Variants in CD163L1 observed in about 807,000 individuals in gnomAD.
CD163L1 encodes scavenger receptor cysteine-rich type 1 protein M160.
CD163L1 carries 124 observed loss-of-function variants against 165.4 expected under a neutral mutation model. That is an observed-to-expected ratio of 0.75 (90% CI 0.65 to 0.87). The LOEUF is 0.87. CD163L1 is among the 40% of genes least tolerant of loss of function. The pLI, the probability that CD163L1 is intolerant of heterozygous loss-of-function variation, is 0.00. For missense variants in CD163L1, 1,525 were observed against 1,799.9 expected, an observed-to-expected ratio of 0.85 and a Z score of 2.76; for synonymous variants, 585 against 662.2, an observed-to-expected ratio of 0.88 and a Z score of 1.79.
intron 8 of CD163L1, among the ~76,000 whole-genome samples, chr12:7,385,250 TAA>T (rs59433408): frequency 1.2e-3 from 172 of 139,520 alleles, no homozygotes; most frequent in African/African-American, 3.9e-3. Flanking sequence ...TTAAAAACTG[TAA>T]AAAAAAAAAA....
intron 4 of CD163L1, among the ~76,000 whole-genome samples, chr12:7,407,826 CAT>C (rs1274167615): frequency 2.0e-5 from 3 of 151,018 alleles, no homozygotes; most frequent in Admixed American, 1.3e-4. Context: ...CACACACACA[CAT>C]ACACACACAA....
At position 7,369,089 on chromosome 12, in the gene CD163L1, G is replaced by T; in HGVS notation, c.4040-124C>A. 8.8e-7 allele frequency: 1 copy of T among 1,133,842 alleles called. No homozygotes were observed. Among genetic ancestry groups the T allele is most frequent in the Non-Finnish European group, 1.3e-6 (1 of 782,366 alleles). The allele number at this position is 1,133,842 out of a possible 1,614,324, so 70.2% of individuals were successfully genotyped here. Reference sequence around the variant, plus strand: ...CTTTTAACATCTCCTGTGAATACTGGATGTCATTTAAAATATCAGTCAGAA... The same window carrying T: ...CTTTTAACATCTCCTGTGAATACTGTATGTCATTTAAAATATCAGTCAGAA... On this transcript the variant is annotated intron_variant, in intron 15 of 19. Transcript: ENST00000313599. The surrounding 1 kb of genome is among the most constrained non-coding windows in gnomAD (Gnocchi z 4.9).
chr12:7,377,676 T>C (rs1468140210), intron 9 of CD163L1, among the ~76,000 whole-genome samples: 1 of 152,216 alleles, frequency 6.6e-6, no homozygotes, highest in African/African-American at 2.4e-5. Context: ...TTCAGTTTCA[T>C]CTATATTGGC....
At chr12:7,323,286 G>T in the CD163L1 span, 1 of 1,611,276 alleles carries the variant, frequency 6.2e-7, no homozygotes, top group Non-Finnish European at 8.5e-7. Flanking sequence ...GGTTCAATGG[G>T]GAAAGGAATG....
chr12:7,386,427 CA>C (rs890253758), intron 8 of CD163L1, among the ~76,000 whole-genome samples: 2 of 151,390 alleles, frequency 1.3e-5, no homozygotes, highest in African/African-American at 4.8e-5. Context: ...CAAACTATTC[CA>C]AAAAAATCAA....
chr12:7,440,104 G>GT lies in CD163L1; in HGVS notation c.124+1049_124+1050insA, dbSNP rs780689666. The GT allele has an allele frequency of 4.7e-4, 401 of 845,806 alleles. 1 individual carries two copies. In the African/African-American group the frequency reaches 5.4e-3, roughly 11 times the overall value. 52.4% of individuals were successfully genotyped at this position (845,806 alleles called of 1,614,324 possible). On this transcript the variant is annotated intron_variant, in intron 2 of 19. Coordinates refer to ENST00000313599, the MANE Select transcript of CD163L1 (RefSeq NM_174941.6). ...AGCGGCGTAACGGAAGCCGACCAAT[G>GT]GCGGGCTTGGACCCGCCGCGCCAGC...
Position 7,372,445 on chromosome 12 carries a change from T to A in CD163L1, c.3730+875A>T, listed in dbSNP as rs1020282142. Among the ~76,000 whole-genome samples, 1 of 152,092 alleles carries A rather than the reference T, an allele frequency of 6.6e-6. No homozygotes were observed. Among genetic ancestry groups the A allele is most frequent in the South Asian group, 2.1e-4 (1 of 4,830 alleles). ...ATGCTTATAATGGCATTATTTATAC[T>A]AGTTTGACATTGAGAAATAGCCTTA... On this transcript the variant is annotated intron_variant, in intron 14 of 19. Transcript: ENST00000313599. The surrounding 1 kb of genome is among the most constrained non-coding windows in gnomAD (Gnocchi z 4.2).
chr12:7,410,234 A>G (rs913496041), intron 4 of CD163L1, among the ~76,000 whole-genome samples: 4 of 152,190 alleles, frequency 2.6e-5, no homozygotes, highest in Admixed American at 6.6e-5. Flanking sequence ...AGTAGGGAAT[A>G]AGAAGACAAA....
rs201057330 is a variant in CD163L1, at chr12:7,369,418, G to C, written c.3978C>G (p.His1326Gln). 1.9e-6 allele frequency: 3 copies of C among 1,614,082 alleles called. No individual in the cohort carries two copies. The Admixed American group carries it at 5.0e-5, about 27-fold the overall frequency. The change falls in exon 15 of 20, where the codon CAC becomes CAG. Residue 1326 changes from histidine to glutamine, a missense_variant. His to Gln is a conservative substitution (Grantham distance 24, BLOSUM62 0). Coordinates refer to ENST00000313599, the MANE Select transcript of CD163L1 (RefSeq NM_174941.6). The surrounding 1 kb of genome is among the most constrained non-coding windows in gnomAD (Gnocchi z 4.9). ...AGTCACTCTGTCCCCAGGGTTTGGC[G>C]TGACAGTCCCATAGAAATGACTCAT... ...KGNESFLWDC[H>Q]AKPWGQSDCG...
At chr12:7,422,614 T>C (rs1053415237) in intron 4 of CD163L1, among the ~76,000 whole-genome samples, 11 of 151,138 alleles carry the variant, frequency 7.3e-5, no homozygotes, top group African/African-American at 2.7e-4. Flanking sequence ...CATATATATA[T>C]GAAAAAAGGT....
rs150384982 is a variant in CD163L1, at chr12:7,369,477, T to C, written c.3919A>G (p.Thr1307Ala). ...CACCGCATGTCATCCAACCAGATGG[T>C]TCCAGTTCCCTGGCCAAACGAAGCG... ...RDASFGQGTG[T>A]IWLDDMRCKG... is the part of the protein sequence containing the mutation. The change falls in exon 15 of 20, where the codon ACC becomes GCC. Residue 1307 changes from threonine (T) to alanine (A), a missense_variant. Physicochemically the swap from Thr to Ala is moderately conservative, Grantham distance 58. Coordinates refer to ENST00000313599, the MANE Select transcript of CD163L1 (RefSeq NM_174941.6). The surrounding 1 kb of genome is among the most constrained non-coding windows in gnomAD (Gnocchi z 4.9). 3,540 of 1,614,174 alleles carry C rather than the reference T, an allele frequency of 2.2e-3. 4 individuals carry two copies. The highest frequency in any genetic ancestry group is 2.6e-3 in the Non-Finnish European group (3,014 of 1,180,024).
At chr12:7,430,188 T>C (rs927664825) in intron 4 of CD163L1, among the ~76,000 whole-genome samples, 6 of 152,126 alleles carry the variant, frequency 3.9e-5, no homozygotes, top group Middle Eastern at 3.2e-3. Context: ...TTCAAAACAT[T>C]TATTGGAGTT....
chr12:7,329,601 G>GT, the CD163L1 span, among the ~76,000 whole-genome samples: 57 of 150,564 alleles, frequency 3.8e-4, no homozygotes, highest in Non-Finnish European at 7.7e-4. Context: ...GACTGCAGTT[G>GT]TTTTTTTTGT....
chr12:7,361,933 G>A (rs1165037434), intron 18 of CD163L1, among the ~76,000 whole-genome samples: 1 of 151,508 alleles, frequency 6.6e-6, no homozygotes, highest in Non-Finnish European at 1.5e-5. Context: ...TCCAGCCCCT[G>A]GAAACTACCA....
chr12:7,369,481 A>G lies in CD163L1; in HGVS notation c.3915T>C (p.Thr1305=). 6.2e-7 allele frequency: 1 copy of G among 1,614,164 alleles called. No individual in the cohort carries two copies. The highest frequency in any genetic ancestry group is 1.6e-4 in the Middle Eastern group (1 of 6,062). Residue 1305 remains threonine, a synonymous_variant, in exon 15 of 20, where the codon ACT becomes ACC. Transcript: ENST00000313599. This position sits in a 1 kb window ranked among gnomAD's most constrained non-coding sequence, Gnocchi z 4.9. The part of the protein sequence containing the change: ...ALRDASFGQG[T]GTIWLDDMRC... ...GCATGTCATCCAACCAGATGGTTCC[A>G]GTTCCCTGGCCAAACGAAGCGTCCC...
downstream of CD163L1, among the ~76,000 whole-genome samples, chr12:7,354,766 T>A (rs1364252316): frequency 6.6e-6 from 1 of 152,114 alleles, no homozygotes; most frequent in Non-Finnish European, 1.5e-5. Context: ...TACACTCACA[T>A]AAGGGAAGGA....
chr12:7,396,006 G>A (rs1172467367), intron 8 of CD163L1, 89 bp downstream of exon 8: 17 of 1,012,188 alleles, frequency 1.7e-5, no homozygotes, highest in East Asian at 5.0e-5. Context: ...ATGAGCACTC[G>A]GTCATAAATG....
chr12:7,410,731 G>A (rs1050062207), intron 4 of CD163L1, among the ~76,000 whole-genome samples: 1 of 151,786 alleles, frequency 6.6e-6, no homozygotes, highest in African/African-American at 2.4e-5. Context: ...TCGGGAGGCT[G>A]AGGCAGGAGA....
At chr12:7,426,256 G>A (rs187506142) in intron 4 of CD163L1, among the ~76,000 whole-genome samples, 59 of 152,032 alleles carry the variant, frequency 3.9e-4, no homozygotes, top group Non-Finnish European at 3.1e-4. Context: ...ACAGATGAAC[G>A]CACAGAGGGG....
Sources: allele counts gnomAD v4.1 joint callset (sites outside exome capture counted in the v4.1 genomes callset), GRCh38; gene constraint gnomAD v4.1.1; non-coding constraint Gnocchi (gnomAD v3.1); transcripts MANE v1.5; gene names NCBI Gene and HGNC (gene_info 2026-07-23, HGNC 2026-07-21).